Variants in SPTA1 observed in about 807,000 individuals in gnomAD.
SPTA1 encodes the protein spectrin alpha, erythrocytic 1.
In SPTA1, 177 loss-of-function variants were observed where a neutral mutation model predicts 324.7. The ratio of observed to expected loss-of-function variants is 0.55; its 90% CI spans 0.48 to 0.62. SPTA1 has a LOEUF of 0.62. SPTA1 is among the 20% of genes least tolerant of loss of function. SPTA1 has a pLI of 0.00. For synonymous variants in SPTA1, 1,195 were observed against 1,041.3 expected (o/e 1.15, Z -2.84); for missense variants, 3,162 against 2,883.6 (o/e 1.10, Z -2.21).
At chr1:158,662,444 C>A (rs114174547) in intron 17 of SPTA1, among the ~76,000 whole-genome samples, 3,873 of 152,228 alleles carry the variant, frequency 0.025, 169 homozygotes, top group African/African-American at 0.088. Flanking sequence ...TTTTAGAGCA[C>A]GCAACAAAAT....
chr1:158,611,501 G>T lies in SPTA1; in HGVS notation c.7135-112C>A, dbSNP rs1004935477. The T allele has an allele frequency of 4.8e-6, 6 of 1,256,294 alleles. No individual in the cohort carries two copies. In the South Asian group the frequency reaches 5.3e-5, roughly 11 times the overall value. 77.8% of individuals were successfully genotyped at this position (1,256,294 alleles called of 1,614,324 possible). A position where few individuals can be genotyped will look rare whatever the true frequency, so the allele number is the denominator to read the frequency against. ...AGGAGATGGAGAGTCTCTGGAAGAC[G>T]CAAGCCCTATTTCTATTACACACAA... On this transcript the variant is annotated intron_variant, in intron 51 of 51. Transcript: ENST00000643759.
At chr1:158,643,704 G>T (rs1236070438) in intron 30 of SPTA1, among the ~76,000 whole-genome samples, 12 of 152,118 alleles carry the variant, frequency 7.9e-5, no homozygotes, top group Admixed American at 7.9e-4. Flanking sequence ...ATGATGAAAT[G>T]ACTATTTAAT....
chr1:158,647,495 G>A, intron 27 of SPTA1, 44 bp downstream of exon 27: 1 of 1,610,472 alleles, frequency 6.2e-7, no homozygotes, highest in Non-Finnish European at 8.5e-7. Context: ...CTCCCAGACA[G>A]TCTACTTAGA....
intron 45 of SPTA1, 32 bp downstream of exon 45, chr1:158,619,189 AG>A (rs749487296): frequency 6.3e-7 from 1 of 1,589,572 alleles, no homozygotes. Flanking sequence ...GTGGTGGCAC[AG>A]GGGTCATGGT....
In SPTA1 at chr1:158,678,436, A is replaced by G; in HGVS notation, c.777T>C (p.Ala259=). The G allele has an allele frequency of 1.2e-6, 2 of 1,613,738 alleles. No individual in the cohort carries two copies. The highest frequency in any genetic ancestry group is 1.7e-6 in the Non-Finnish European group (2 of 1,179,758). ...GTTGTAAGTTTGCAGCATTGGACAG[A>G]GCTTTCTGTCTCTGGAGAGCCAAAC... is the stretch of plus-strand genomic sequence containing the variant. ...LRGLALQRQK[A]LSNAANLQRF... The change falls in exon 6 of 52, where the codon GCT becomes GCC. Residue 259 remains alanine, a synonymous_variant. Coordinates refer to ENST00000643759, the MANE Select transcript of SPTA1 (RefSeq NM_003126.4).
chr1:158,665,083 A>AT (rs1381308448), intron 16 of SPTA1, among the ~76,000 whole-genome samples: 4 of 152,170 alleles, frequency 2.6e-5, no homozygotes, highest in Admixed American at 2.6e-4. Flanking sequence ...AGGAGTTCAA[A>AT]TTCCTGGTGA....
intron 29 of SPTA1, 77 bp downstream of exon 29, chr1:158,645,111 G>T: frequency 1.4e-6 from 2 of 1,479,952 alleles, no homozygotes; most frequent in Non-Finnish European, 1.9e-6. Flanking sequence ...AGTGAACGGA[G>T]CCTGTAATGA....
intron 39 of SPTA1, among the ~76,000 whole-genome samples, chr1:158,628,676 A>G (rs557962075): frequency 6.6e-6 from 1 of 152,162 alleles, no homozygotes; most frequent in African/African-American, 2.4e-5. Flanking sequence ...TGTATACTGC[A>G]TGAAATAAAG....
intron 45 of SPTA1, among the ~76,000 whole-genome samples, chr1:158,618,745 G>A (rs552524805): frequency 2.6e-5 from 4 of 152,260 alleles, no homozygotes; most frequent in African/African-American, 9.6e-5. Flanking sequence ...TCTGCTTCTG[G>A]TTATGCCAGT....
At chr1:158,629,634 A>G (rs1465052397) in intron 39 of SPTA1, among the ~76,000 whole-genome samples, 3 of 152,076 alleles carry the variant, frequency 2.0e-5, no homozygotes, top group Admixed American at 6.6e-5. Context: ...GGCAAAGATA[A>G]TCGCTCTCAC....
chr1:158,648,392 G>A, intron 26 of SPTA1, 117 bp downstream of exon 26: 1 of 1,441,006 alleles, frequency 6.9e-7, no homozygotes, highest in Non-Finnish European at 9.6e-7. Flanking sequence ...ATATGGCACA[G>A]AACAGAGAGA....
At chr1:158,635,078 C>A (rs959400785) in intron 38 of SPTA1, among the ~76,000 whole-genome samples, 2 of 67,178 alleles carry the variant, frequency 3.0e-5, no homozygotes, top group Admixed American at 1.2e-4. Context: ...TCCTTTTAGC[C>A]CCCCCCAGGA....
chr1:158,642,828 C>T lies in SPTA1; in HGVS notation c.4591G>A (p.Ala1531Thr), dbSNP rs143779235. 7.4e-6 allele frequency: 12 copies of T among 1,613,796 alleles called. No individual in the cohort carries two copies. The highest frequency in any genetic ancestry group is 1.7e-4 in the Middle Eastern group (1 of 6,056). The change falls in exon 32 of 52, where the codon GCC becomes ACC. Residue 1531 changes from alanine to threonine, a missense_variant. Coordinates refer to ENST00000643759, the MANE Select transcript of SPTA1 (RefSeq NM_003126.4). The stretch of plus-strand genomic sequence containing the variant: ...TTTGAACTTGCCTGAATGTTAGTGG[C>T]GTCTTTGTAGGATTCATCACAGGCT... ...PTACDESYKD[A>T]TNIQRKYLKH...
intron 39 of SPTA1, among the ~76,000 whole-genome samples, chr1:158,629,136 T>TGATAGATA (rs141591922): frequency 6.6e-6 from 1 of 150,538 alleles, no homozygotes; most frequent in African/African-American, 2.5e-5. Flanking sequence ...GATAGATAGA[T>TGATAGATA]GATAGATAGA....
In SPTA1 at chr1:158,651,420, C is replaced by A; in HGVS notation, c.3424G>T (p.Asp1142Tyr). ...PRLRDINKVADDLLFEGLLTP... is the reference protein window; with the variant it reads ...PRLRDINKVAYDLLFEGLLTP... ...AGAAGTCCTTCAAATAGTAGATCAT[C>A]AGCTACCTTGTTGATATCCCTTAGC... Residue 1142 changes from aspartate to tyrosine, a missense_variant, in exon 24 of 52, where the codon GAT (aspartate) becomes TAT (tyrosine). Coordinates refer to ENST00000643759, the MANE Select transcript of SPTA1 (RefSeq NM_003126.4). The A allele has an allele frequency of 6.2e-7, 1 of 1,613,938 alleles. No individual in the cohort carries two copies. The highest frequency in any genetic ancestry group is 8.5e-7 in the Non-Finnish European group (1 of 1,179,900).
rs983318413 is a variant in SPTA1 at position 158,650,034 on chromosome 1, A to T, written c.3478-87T>A. On this transcript the variant is annotated intron_variant, in intron 24 of 51. Coordinates refer to ENST00000643759, the MANE Select transcript of SPTA1 (RefSeq NM_003126.4). The stretch of plus-strand genomic sequence containing the variant: ...CTGAAGACCAGACAAGATTTAAAAC[A>T]TAGTTGTTTTTACGTTATTTTCTTC... The T allele has an allele frequency of 3.3e-6, 3 of 907,198 alleles. No individual in the cohort carries two copies. In the African/African-American group the frequency reaches 5.0e-5, roughly 15 times the overall value. 56.2% of individuals were successfully genotyped at this position (907,198 alleles called of 1,614,324 possible).
chr1:158,655,799 C>CT (rs542380980), intron 20 of SPTA1, among the ~76,000 whole-genome samples: 1 of 152,144 alleles, frequency 6.6e-6, no homozygotes, highest in Non-Finnish European at 1.5e-5. Context: ...CAGTTTTGCC[C>CT]TGTACCTGAG....
chr1:158,644,472 A>G, intron 29 of SPTA1, 76 bp from the exon 30 acceptor site: 1 of 1,569,406 alleles, frequency 6.4e-7, no homozygotes, highest in Non-Finnish European at 8.8e-7. Context: ...CTCTTTCAGG[A>G]TCATGACACA....
At chr1:158,632,072 A>C (rs1017806458) in intron 39 of SPTA1, among the ~76,000 whole-genome samples, 4 of 152,310 alleles carry the variant, frequency 2.6e-5, no homozygotes, top group Middle Eastern at 3.4e-3. Context: ...GAATGAATGA[A>C]AAAAATGTGG....
Sources: gnomAD v4.1 joint callset for allele counts (sites outside exome capture counted in the v4.1 genomes callset) on GRCh38, gnomAD v4.1.1 for gene constraint, MANE v1.5 for transcripts, NCBI Gene and HGNC (gene_info 2026-07-23, HGNC 2026-07-21) for gene names.